PDE4D: variants seen among roughly 807,000 people sequenced by gnomAD.
PDE4D encodes the protein 3',5'-cyclic-AMP phosphodiesterase 4D.
Under a neutral mutation model 87.4 loss-of-function variants are expected in PDE4D, and 24 were observed. That is an observed-to-expected ratio of 0.27 (90% CI 0.20 to 0.39). The LOEUF (loss-of-function observed/expected upper bound fraction) is 0.39. PDE4D is among the 10% of genes least tolerant of loss of function. The pLI, the probability that PDE4D is intolerant of heterozygous loss-of-function variation, is 1.00. For missense variants in PDE4D, 714 were observed against 1,041.0 expected (o/e 0.69, Z 4.32); for synonymous variants, 384 against 383.2 (o/e 1.00, Z -0.02).
chr5:60,133,359 C>T (rs915210271), intron 2 of PDE4D, among the ~76,000 whole-genome samples: 9 of 151,978 alleles, frequency 5.9e-5, no homozygotes, highest in Non-Finnish European at 1.2e-4. Context: ...GACGGGGTCT[C>T]GTTCTGTTGT....
intron 1 of PDE4D, among the ~76,000 whole-genome samples, chr5:59,515,829 G>A (rs7717821): frequency 0.46 from 69,274 of 151,886 alleles, 17,075 homozygotes; most frequent in African/African-American, 0.63. Flanking sequence ...GAAAGGTAAA[G>A]CAGACCAACT....
intron 1 of PDE4D, among the ~76,000 whole-genome samples, chr5:60,365,538 C>G (rs1760449502): frequency 6.6e-6 from 1 of 152,024 alleles, no homozygotes. Context: ...TTTTTTGGTA[C>G]TAAAGAAATA....
chr5:59,522,336 T>A (rs563406225), intron 1 of PDE4D, among the ~76,000 whole-genome samples: 1 of 152,342 alleles, frequency 6.6e-6, no homozygotes, highest in South Asian at 2.1e-4. Flanking sequence ...CTTACAGGTA[T>A]ACTCAGGGCA....
At chr5:59,841,212 T>G (rs943526604) in intron 1 of PDE4D, among the ~76,000 whole-genome samples, 2 of 152,088 alleles carry the variant, frequency 1.3e-5, no homozygotes, top group Non-Finnish European at 1.5e-5. Context: ...GGGTGGCTAT[T>G]GCTGTCTCTC....
intron 1 of PDE4D, among the ~76,000 whole-genome samples, chr5:59,446,552 C>T (rs1358551078): frequency 1.3e-5 from 2 of 152,198 alleles, no homozygotes; most frequent in Non-Finnish European, 2.9e-5. Context: ...GGACTTTTGG[C>T]AGCTTCATAG....
intron 1 of PDE4D, among the ~76,000 whole-genome samples, chr5:59,548,180 C>T (rs1035161727): frequency 2.4e-4 from 37 of 152,204 alleles, no homozygotes; most frequent in Middle Eastern, 3.4e-3. Context: ...TTGTTTAAGT[C>T]GGCTTAAATT....
At chr5:59,052,556 G>A (rs1761708481) in intron 5 of PDE4D, among the ~76,000 whole-genome samples, 1 of 152,314 alleles carries the variant, frequency 6.6e-6, no homozygotes, top group South Asian at 2.1e-4. Flanking sequence ...AGATGCAGTG[G>A]AAAGCAAAGA....
At chr5:59,201,166 CA>C (rs1490854853) in intron 2 of PDE4D, among the ~76,000 whole-genome samples, 1 of 151,922 alleles carries the variant, frequency 6.6e-6, no homozygotes, top group Non-Finnish European at 1.5e-5. Flanking sequence ...ATCATTCATT[CA>C]TTTTTAAAAA....
At chr5:59,695,716 C>T (rs1197208718) in intron 1 of PDE4D, among the ~76,000 whole-genome samples, 8 of 152,182 alleles carry the variant, frequency 5.3e-5, no homozygotes, top group African/African-American at 1.7e-4. Context: ...ATCCTCCTGC[C>T]TCAGCCCCCC....
intron 1 of PDE4D, among the ~76,000 whole-genome samples, chr5:59,706,163 T>A (rs1449241000): frequency 6.6e-6 from 1 of 152,178 alleles, no homozygotes; most frequent in Non-Finnish European, 1.5e-5. Flanking sequence ...ATTGGCCATG[T>A]GGGTTACTAG....
At chr5:59,356,731 C>T (rs570792719) in intron 1 of PDE4D, 150 of 1,557,626 alleles carry the variant, frequency 9.6e-5, no homozygotes, top group Middle Eastern at 8.4e-4. Flanking sequence ...ACAATTCTTC[C>T]TAGCTACAAA....
chr5:59,506,002 TTTTAA>T (rs1198067178), intron 1 of PDE4D, among the ~76,000 whole-genome samples: 1 of 152,166 alleles, frequency 6.6e-6, no homozygotes, highest in African/African-American at 2.4e-5. Flanking sequence ...GAATAAATGC[TTTTAA>T]TTTTTTTTCA....
chr5:59,638,997 T>C (rs1741082260), intron 1 of PDE4D, among the ~76,000 whole-genome samples: 3 of 152,184 alleles, frequency 2.0e-5, no homozygotes, highest in Admixed American at 2.0e-4. Flanking sequence ...TTTAGTTTTA[T>C]TTTGCTTTTG....
At position 59,617,060 on chromosome 5, in the gene PDE4D, ATCTTC is replaced by A. The variant is rs1829798550; in HGVS notation, c.455+276103_455+276107del. On this transcript the variant is annotated intron_variant, in intron 1 of 14. Coordinates refer to ENST00000340635, the MANE Select transcript of PDE4D (RefSeq NM_001104631.2). The stretch of plus-strand genomic sequence containing the variant: ...TCTTGTCTCCAATTGCTGAGGGTGT[ATCTTC>A]TCTTCTTATTTGCTATCAACATTAT... 2.6e-5 allele frequency among the ~76,000 whole-genome samples: 4 copies of A among 151,294 alleles called. No individual in the cohort carries two copies. The South Asian group carries it at 6.3e-4, about 24-fold the overall frequency.
chr5:59,570,129 A>G (rs1355581956), intron 1 of PDE4D, among the ~76,000 whole-genome samples: 2 of 152,200 alleles, frequency 1.3e-5, no homozygotes, highest in Non-Finnish European at 2.9e-5. Flanking sequence ...GTGATGACAC[A>G]GTCAGTGGCG....
At chr5:59,913,374 T>C (rs1032799042) in intron 3 of PDE4D, among the ~76,000 whole-genome samples, 30 of 152,338 alleles carry the variant, frequency 2.0e-4, no homozygotes, top group African/African-American at 7.2e-4. Context: ...GTTGTTACAA[T>C]GTTCTGTTTA....
intron 1 of PDE4D, among the ~76,000 whole-genome samples, chr5:60,469,152 C>A (rs187795559): frequency 2.0e-5 from 3 of 152,284 alleles, no homozygotes; most frequent in Non-Finnish European, 1.5e-5. Context: ...AGCCAATGAA[C>A]CATTCTCACT....
At chr5:59,988,760 C>A in intron 2 of PDE4D, 1 of 1,115,880 alleles carries the variant, frequency 9.0e-7, no homozygotes, top group South Asian at 1.4e-5. Flanking sequence ...CAACAAAAAT[C>A]ACACTGTTTA....
intron 1 of PDE4D, among the ~76,000 whole-genome samples, chr5:59,408,617 C>T (rs561053473): frequency 9.2e-5 from 14 of 152,272 alleles, no homozygotes; most frequent in South Asian, 4.1e-4. Context: ...CTGGGAAAGC[C>T]GTAGGCACTC....
Sources: allele counts gnomAD v4.1 joint callset (sites outside exome capture counted in the v4.1 genomes callset), GRCh38; gene constraint gnomAD v4.1.1; transcripts MANE v1.5; gene names NCBI Gene and HGNC (gene_info 2026-07-23, HGNC 2026-07-21).